The following PCDHA13 variants were observed in gnomAD, a reference collection of about 807,000 sequenced individuals.
PCDHA13 encodes the protein protocadherin alpha-13.
A neutral mutation model predicts 64.8 loss-of-function variants in PCDHA13; 54 were observed. The ratio of observed to expected loss-of-function variants is 0.83; its 90% CI spans 0.67 to 1.04. PCDHA13 has a LOEUF of 1.04. Ranked by LOEUF, PCDHA13 falls within the 50% of genes least tolerant of loss-of-function variation. The probability of loss-of-function intolerance (pLI) is 0.00; values close to 1 mark genes in which losing one functional copy is unlikely to be tolerated. For synonymous variants in PCDHA13, 587 were observed against 564.4 expected, an observed-to-expected ratio of 1.04 and a Z score of -0.57; for missense variants, 1,248 against 1,254.3, an observed-to-expected ratio of 0.99 and a Z score of 0.08.
At chr5:140,928,165 C>T (rs1554205580) in intron 1 of PCDHA13, 3 of 1,614,200 alleles carry the variant, frequency 1.9e-6, no homozygotes, top group East Asian at 2.2e-5. Context: ...CTCACCCCCA[C>T]TTAGCACCCG....
intron 1 of PCDHA13, among the ~76,000 whole-genome samples, chr5:140,916,821 C>T (rs2077744344): frequency 6.6e-6 from 1 of 152,170 alleles, no homozygotes; most frequent in African/African-American, 2.4e-5. Flanking sequence ...TGTGCCACCC[C>T]TATCCCTCTG....
rs533760082 is a variant in PCDHA13 at position 140,985,940 on chromosome 5, T to C, written c.2542+3377T>C. On this transcript the variant is annotated intron_variant, in intron 3 of 3. Coordinates refer to ENST00000289272, the MANE Select transcript of PCDHA13 (RefSeq NM_018904.3). ...ATTTTTAGTAGAGCCGGGGTTTCAC[T>C]GTGTTAGCCAGGATGGTCTCAATCT... is the stretch of plus-strand genomic sequence containing the variant. Among the ~76,000 whole-genome samples, 4 of 151,946 alleles carry C rather than the reference T, an allele frequency of 2.6e-5. No homozygotes were observed. In the South Asian group the frequency reaches 6.2e-4, roughly 24 times the overall value.
chr5:140,993,462 TCACACACACACACACACA>T (rs3836747), intron 3 of PCDHA13, among the ~76,000 whole-genome samples: 75 of 141,044 alleles, frequency 5.3e-4, no homozygotes, highest in African/African-American at 1.6e-3. Flanking sequence ...TCTTTCTTTC[TCACACACACACACACACA>T]CACACACACA....
chr5:140,891,879 A>G, intron 1 of PCDHA13, among the ~76,000 whole-genome samples: 1 of 152,196 alleles, frequency 6.6e-6, no homozygotes, highest in East Asian at 1.9e-4. Flanking sequence ...TGGCTCTGTC[A>G]TGTGACGATG....
In PCDHA13 at chr5:140,883,040, G is replaced by A. The variant is rs994931084; in HGVS notation, c.772G>A (p.Gly258Arg). 6.2e-7 allele frequency: 1 copy of A among 1,614,062 alleles called. No homozygotes were observed. Among genetic ancestry groups the A allele is most frequent in the Non-Finnish European group, 8.5e-7 (1 of 1,180,018 alleles). The change falls in exon 1 of 4, where the codon GGA becomes AGA. Residue 258 changes from glycine to arginine, a missense_variant. By Grantham distance (125) the Gly-to-Arg change is moderately radical. Coordinates refer to ENST00000289272, the MANE Select transcript of PCDHA13 (RefSeq NM_018904.3). ...KVTVLENAFN[G>R]TLVIKLNATD... ...GACGGTGTTAGAGAACGCCTTCAAT[G>A]GAACATTAGTGATCAAGCTAAATGC...
intron 1 of PCDHA13, among the ~76,000 whole-genome samples, chr5:140,890,494 C>A (rs1554184398): frequency 1.3e-5 from 2 of 152,064 alleles, no homozygotes; most frequent in South Asian, 4.1e-4. Context: ...TTTGTCTCAC[C>A]ATTTTTATGT....
intron 1 of PCDHA13, among the ~76,000 whole-genome samples, chr5:140,963,173 G>C (rs2095742129): frequency 6.6e-6 from 1 of 151,942 alleles, no homozygotes; most frequent in Non-Finnish European, 1.5e-5. Flanking sequence ...CCATCTTACA[G>C]ATATGCTGTA....
chr5:140,954,638 T>C (rs1297767818), intron 1 of PCDHA13, among the ~76,000 whole-genome samples: 2 of 152,212 alleles, frequency 1.3e-5, no homozygotes, highest in Non-Finnish European at 2.9e-5. Flanking sequence ...TTCTTGTAAA[T>C]TTGTTTAAGT....
intron 1 of PCDHA13, among the ~76,000 whole-genome samples, chr5:140,921,258 G>C (rs537231615): frequency 6.6e-6 from 1 of 151,824 alleles, no homozygotes; most frequent in South Asian, 2.1e-4. Flanking sequence ...AAAAGTCCTA[G>C]ACTTTTATAC....
chr5:140,907,997 T>G (rs1352895327), intron 1 of PCDHA13, among the ~76,000 whole-genome samples: 1 of 152,186 alleles, frequency 6.6e-6, no homozygotes, highest in East Asian at 1.9e-4. Flanking sequence ...TCCTTAACCA[T>G]CCAGCCAAAC....
chr5:140,967,566 G>A, intron 1 of PCDHA13: 2 of 1,614,060 alleles, frequency 1.2e-6, no homozygotes, highest in South Asian at 2.2e-5. Context: ...GTCCAGCTAC[G>A]GGAGGACTCA....
At chr5:140,953,950 A>G (rs1458991224) in intron 1 of PCDHA13, among the ~76,000 whole-genome samples, 1 of 151,936 alleles carries the variant, frequency 6.6e-6, no homozygotes, top group Non-Finnish European at 1.5e-5. Flanking sequence ...TTGCTCCCCC[A>G]ACAGGCCCCA....
intron 1 of PCDHA13, among the ~76,000 whole-genome samples, chr5:140,898,854 C>G (rs1467228131): frequency 2.0e-5 from 3 of 152,150 alleles, no homozygotes; most frequent in Admixed American, 6.6e-5. Flanking sequence ...TTTGTATCCT[C>G]TTTTATTTCA....
intron 1 of PCDHA13, among the ~76,000 whole-genome samples, chr5:140,945,974 A>C (rs887994156): frequency 6.6e-5 from 10 of 152,146 alleles, no homozygotes; most frequent in African/African-American, 2.2e-4. Flanking sequence ...AATAAAAGCA[A>C]AAATAGACTA....
Position 140,883,325 on chromosome 5 carries a change from A to C in PCDHA13, c.1057A>C (p.Thr353Pro). 6.2e-7 allele frequency: 1 copy of C among 1,614,118 alleles called. No individual in the cohort carries two copies. Among genetic ancestry groups the C allele is most frequent in the Non-Finnish European group, 8.5e-7 (1 of 1,180,020 alleles). ...VNDNAPEVTI[T>P]SLSLPIREDT... ...TGATAACGCCCCAGAGGTTACCATCACTTCTTTGTCACTCCCCATCAGAGA... is the reference window on the plus strand; with the variant it reads ...TGATAACGCCCCAGAGGTTACCATCCCTTCTTTGTCACTCCCCATCAGAGA... Residue 353 changes from threonine to proline, a missense_variant, in exon 1 of 4, where the codon ACT becomes CCT. Thr to Pro is a conservative substitution (Grantham distance 38, BLOSUM62 -1). Transcript: ENST00000289272.
chr5:140,968,118 C>T (rs141928119), intron 1 of PCDHA13: 717 of 1,614,170 alleles, frequency 4.4e-4, no homozygotes, highest in Middle Eastern at 2.3e-3. Context: ...CAGCTCACAT[C>T]CCTGCGTACA....
intron 1 of PCDHA13, 22 bp from the exon 2 acceptor site, chr5:140,978,924 GAAA>G (rs781894146): frequency 6.2e-7 from 1 of 1,614,012 alleles, no homozygotes; most frequent in East Asian, 2.2e-5. Flanking sequence ...CATTTTAACA[GAAA>G]ACTCTCTTTG....
At chr5:140,945,527 C>A (rs1268496424) in intron 1 of PCDHA13, among the ~76,000 whole-genome samples, 2 of 151,828 alleles carry the variant, frequency 1.3e-5, no homozygotes, top group African/African-American at 4.8e-5. Context: ...ATAAATAAAA[C>A]AAAACATACA....
At chr5:140,904,435 A>G (rs542932460) in intron 1 of PCDHA13, among the ~76,000 whole-genome samples, 4 of 151,230 alleles carry the variant, frequency 2.6e-5, no homozygotes, top group African/African-American at 9.7e-5. Flanking sequence ...ATATATATGT[A>G]TATTACAATT....
Sources: allele counts gnomAD v4.1 joint callset (sites outside exome capture counted in the v4.1 genomes callset), GRCh38; gene constraint gnomAD v4.1.1; transcripts MANE v1.5; gene names NCBI Gene and HGNC (gene_info 2026-07-23, HGNC 2026-07-21).